RBM6: variants seen among roughly 807,000 people sequenced by gnomAD.
RBM6 encodes the protein RNA-binding protein 6.
In RBM6, 23 loss-of-function variants were observed where a neutral mutation model predicts 140.4. That is an observed-to-expected ratio of 0.16 (90% CI 0.12 to 0.23). The LOEUF is 0.23. Among genes scored for constraint, RBM6 ranks in the 10% least tolerant of loss-of-function variants. The pLI, the probability that RBM6 is intolerant of heterozygous loss-of-function variation, is 1.00. For synonymous variants in RBM6, 439 were observed against 475.6 expected, an observed-to-expected ratio of 0.92 and a Z score of 1.00; for missense variants, 1,139 against 1,386.7, an observed-to-expected ratio of 0.82 and a Z score of 2.84.
chr3:49,996,408 T>G (rs769816431), intron 5 of RBM6, among the ~76,000 whole-genome samples: 1 of 152,184 alleles, frequency 6.6e-6, no homozygotes, highest in Non-Finnish European at 1.5e-5. Context: ...AACCCTTGAG[T>G]TAGATGCAAT....
At chr3:50,064,090 G>A (rs1202524333) in intron 15 of RBM6, among the ~76,000 whole-genome samples, 5 of 151,474 alleles carry the variant, frequency 3.3e-5, no homozygotes, top group African/African-American at 9.7e-5. Context: ...CTGCCACAAC[G>A]CCCAGCTAAT....
chr3:49,961,635 C>G (rs1206369823), intron 1 of RBM6, among the ~76,000 whole-genome samples: 1 of 151,062 alleles, frequency 6.6e-6, no homozygotes, highest in South Asian at 2.1e-4. Context: ...CCCATCTCTA[C>G]TAAAAATACA....
chr3:50,011,212 C>T (rs931048824), intron 6 of RBM6, among the ~76,000 whole-genome samples: 2 of 151,546 alleles, frequency 1.3e-5, no homozygotes, highest in Admixed American at 6.6e-5. Flanking sequence ...AGAGCAATAC[C>T]TTGTCTCTTA....
Position 50,076,988 on chromosome 3 carries a change from A to AG in RBM6, c.3247-19dup. 1.3e-6 allele frequency: 2 copies of AG among 1,598,976 alleles called. No individual in the cohort carries two copies. Among genetic ancestry groups the AG allele is most frequent in the Non-Finnish European group, 1.7e-6 (2 of 1,174,416 alleles). On this transcript the variant is annotated intron_variant, in intron 20 of 20. Transcript: ENST00000266022. ...AATTAATCTATAGGGCCCACTTCATAGTTTGTCTTTGTTTTACAGGCTGAA... is the reference window on the plus strand; with the variant it reads ...AATTAATCTATAGGGCCCACTTCATAGGTTTGTCTTTGTTTTACAGGCTGAA...
chr3:49,952,285 T>C (rs2083771159), intron 1 of RBM6, among the ~76,000 whole-genome samples: 1 of 152,100 alleles, frequency 6.6e-6, no homozygotes, highest in African/African-American at 2.4e-5. Context: ...CGCCTTGGCC[T>C]CCCAAAGTGC....
chr3:50,059,609 C>T, intron 10 of RBM6, 40 bp from the exon 11 acceptor site: 2 of 1,529,260 alleles, frequency 1.3e-6, no homozygotes, highest in African/African-American at 1.4e-5. Context: ...TGGGTTCTGG[C>T]ATTTTCTGTC....
chr3:49,944,766 G>A lies in RBM6; in HGVS notation c.-67+4541G>A, dbSNP rs574105320. ...GGTGGAATTACAGGTGTCAGCCACC[G>A]CGCCCAGCCACAAATATCAAGTCTT... On this transcript the variant is annotated intron_variant, in intron 1 of 20. Coordinates refer to ENST00000266022, the MANE Select transcript of RBM6 (RefSeq NM_005777.3). Among the ~76,000 whole-genome samples, 20 of 152,074 alleles carry A rather than the reference G, an allele frequency of 1.3e-4. No homozygotes were observed. In the South Asian group the frequency reaches 3.3e-3, roughly 25 times the overall value.
chr3:49,975,296 A>G (rs1446557764), intron 4 of RBM6, 27 bp from the exon 5 acceptor site: 2 of 1,548,406 alleles, frequency 1.3e-6, no homozygotes, highest in African/African-American at 2.7e-5. Flanking sequence ...GATTTGTATC[A>G]TTTGTATAAA....
intron 5 of RBM6, among the ~76,000 whole-genome samples, chr3:49,986,729 C>T (rs2085579288): frequency 1.3e-5 from 2 of 151,588 alleles, no homozygotes; most frequent in African/African-American, 4.8e-5. Flanking sequence ...CTTCTCCTCT[C>T]TTCTCTTCTC....
intron 2 of RBM6, among the ~76,000 whole-genome samples, chr3:49,965,697 A>T (rs1486986536): frequency 6.6e-6 from 1 of 151,380 alleles, no homozygotes; most frequent in Non-Finnish European, 1.5e-5. Context: ...GAACATCTAA[A>T]CTTGCTCCTC....
chr3:49,969,414 A>T (rs2108637617), intron 3 of RBM6, among the ~76,000 whole-genome samples: 1 of 147,514 alleles, frequency 6.8e-6, no homozygotes, highest in East Asian at 2.0e-4. Flanking sequence ...AGGAATGTAA[A>T]TCTCTAGAGA....
chr3:49,976,912 C>T (rs1040728418), intron 5 of RBM6, among the ~76,000 whole-genome samples: 2 of 152,188 alleles, frequency 1.3e-5, no homozygotes, highest in Non-Finnish European at 2.9e-5. Context: ...AAATACCTTT[C>T]AGCAAATACA....
At chr3:50,057,645 A>G in intron 8 of RBM6, 83 bp from the exon 9 acceptor site, 4 of 1,145,268 alleles carry the variant, frequency 3.5e-6, no homozygotes, top group East Asian at 4.9e-5. Flanking sequence ...GCAGGTAAGG[A>G]GAAATTACAG....
rs767767951 is a variant in RBM6 at position 49,968,623 on chromosome 3, G to A, written c.1198G>A (p.Asp400Asn). 4 of 1,614,136 alleles carry A rather than the reference G, an allele frequency of 2.5e-6. No individual in the cohort carries two copies. Among genetic ancestry groups the A allele is most frequent in the East Asian group, 2.2e-5 (1 of 44,890 alleles). ...GGACTTTCTTGGGCGGCAAGACACC[G>A]ATTACAGAAGCATGGAGTACCGTGA... ...GLDFLGRQDT[D>N]YRSMEYRDVD... Residue 400 changes from aspartate (D) to asparagine (N), a missense_variant, in exon 3 of 21, where the codon GAT (aspartate) becomes AAT (asparagine). This residue lies in a region of RBM6 where 566 missense variants were observed against 612.7 expected (regional missense o/e 0.92). Coordinates refer to ENST00000266022, the MANE Select transcript of RBM6 (RefSeq NM_005777.3).
intron 1 of RBM6, among the ~76,000 whole-genome samples, chr3:49,951,532 GC>G (rs1275824067): frequency 6.6e-6 from 1 of 151,590 alleles, no homozygotes; most frequent in African/African-American, 2.4e-5. Flanking sequence ...ACTGTGCCTG[GC>G]CTTTACTATA....
intron 7 of RBM6, among the ~76,000 whole-genome samples, chr3:50,049,805 C>A (rs1256467704): frequency 6.6e-6 from 1 of 151,196 alleles, no homozygotes; most frequent in East Asian, 1.9e-4. Context: ...ACATTAAGTA[C>A]CTTCACAATG....
intron 6 of RBM6, among the ~76,000 whole-genome samples, chr3:50,040,222 A>G (rs1440865989): frequency 5.3e-5 from 8 of 151,952 alleles, no homozygotes; most frequent in Non-Finnish European, 8.8e-5. Flanking sequence ...CGAGGTGGGC[A>G]GCTCACGAGG....
intron 6 of RBM6, among the ~76,000 whole-genome samples, chr3:50,035,141 C>T (rs917411525): frequency 2.0e-5 from 3 of 150,714 alleles, no homozygotes; most frequent in Admixed American, 6.7e-5. Context: ...AACTTCAATT[C>T]TTGCCTCCTC....
chr3:49,968,970 CTTTT>C (rs34699382), intron 3 of RBM6, among the ~76,000 whole-genome samples: 83 of 141,886 alleles, frequency 5.8e-4, no homozygotes, highest in Non-Finnish European at 1.2e-3. Context: ...GCCCGGCCTG[CTTTT>C]TTTTTTTTTC....
Sources: allele counts gnomAD v4.1 joint callset (sites outside exome capture counted in the v4.1 genomes callset), GRCh38; gene constraint gnomAD v4.1.1; regional missense constraint gnomAD v4.1.1; transcripts MANE v1.5; gene names NCBI Gene and HGNC (gene_info 2026-07-23, HGNC 2026-07-21).